Variants in CSNK1G2 observed in about 807,000 individuals in gnomAD.
The protein encoded by CSNK1G2 is casein kinase I isoform gamma-2.
Under a neutral mutation model 48.0 loss-of-function variants are expected in CSNK1G2, and 11 were observed. The ratio of observed to expected loss-of-function variants is 0.23; its 90% CI spans 0.14 to 0.38. The LOEUF (loss-of-function observed/expected upper bound fraction) is 0.38, where lower values mean the gene tolerates loss of function less well. Ranked by LOEUF, CSNK1G2 falls within the 10% of genes least tolerant of loss-of-function variation. The pLI is 1.00. For synonymous variants in CSNK1G2, 337 were observed against 254.1 expected, an observed-to-expected ratio of 1.33 and a Z score of -3.10; for missense variants, 446 against 595.5, an observed-to-expected ratio of 0.75 and a Z score of 2.61.
At chr19:1,956,204 C>T (rs1246260380) in intron 1 of CSNK1G2, among the ~76,000 whole-genome samples, 5 of 152,080 alleles carry the variant, frequency 3.3e-5, no homozygotes, top group Non-Finnish European at 5.9e-5. Context: ...AGGGGGATGC[C>T]AGGAGCAGTG....
intron 1 of CSNK1G2, among the ~76,000 whole-genome samples, chr19:1,943,231 A>C (rs113325585): frequency 3.3e-5 from 5 of 152,086 alleles, no homozygotes; most frequent in Non-Finnish European, 5.9e-5. Flanking sequence ...GTCTGGATTT[A>C]CTGTGCCTGC....
intron 1 of CSNK1G2, among the ~76,000 whole-genome samples, chr19:1,964,138 T>A (rs897167524): frequency 6.6e-5 from 10 of 151,862 alleles, no homozygotes; most frequent in African/African-American, 2.2e-4. Flanking sequence ...AAAATTTTTT[T>A]AAAAATTAGC....
At chr19:1,976,830 C>T (rs2015773325) in intron 2 of CSNK1G2, among the ~76,000 whole-genome samples, 1 of 152,050 alleles carries the variant, frequency 6.6e-6, no homozygotes, top group South Asian at 2.1e-4. Flanking sequence ...ACCTTCACCT[C>T]CCGGGTTCAG....
chr19:1,946,482 G>A lies in CSNK1G2; in HGVS notation c.-266+5064G>A, dbSNP rs1410424887. On this transcript the variant is annotated intron_variant, in intron 1 of 11. Transcript: ENST00000255641. ...AGTTTTTTGTACTTTTAGTAGAGAC[G>A]GGGTTTCACCGTGTTAGCCAGGATG... Among the ~76,000 whole-genome samples the A allele has an allele frequency of 1.5e-4, 22 of 150,782 alleles. No individual in the cohort carries two copies. In the South Asian group the frequency reaches 2.5e-3, roughly 17 times the overall value.
chr19:1,975,991 C>A, intron 2 of CSNK1G2: 1 of 1,093,102 alleles, frequency 9.1e-7, no homozygotes, highest in Non-Finnish European at 1.2e-6. Context: ...GCCGTGATCG[C>A]GCCAGTGCAC....
At chr19:1,972,836 C>T (rs779495858) in intron 2 of CSNK1G2, among the ~76,000 whole-genome samples, 1 of 151,814 alleles carries the variant, frequency 6.6e-6, no homozygotes, top group East Asian at 1.9e-4. Flanking sequence ...GTTGGCCAGG[C>T]TGGTCTTGAA....
chr19:1,953,918 G>T (rs780098592), intron 1 of CSNK1G2: 4 of 533,906 alleles, frequency 7.5e-6, no homozygotes, highest in Non-Finnish European at 1.5e-5. Context: ...CCTCGTGGGC[G>T]TCTCCGGTGC....
At chr19:1,953,259 C>T in intron 1 of CSNK1G2, 2 of 400,090 alleles carry the variant, frequency 5.0e-6, no homozygotes, top group Non-Finnish European at 1.0e-5. Flanking sequence ...CCCCTGCCCC[C>T]CTGGCAAGAC....
At chr19:1,964,386 C>G (rs926138562) in intron 1 of CSNK1G2, among the ~76,000 whole-genome samples, 6 of 152,046 alleles carry the variant, frequency 3.9e-5, no homozygotes, top group African/African-American at 1.5e-4. Flanking sequence ...TAGCCAAGGT[C>G]ACTGCTGGAG....
intron 2 of CSNK1G2, chr19:1,974,681 C>T (rs933741543): frequency 1.3e-5 from 2 of 152,288 alleles, no homozygotes; most frequent in Admixed American, 6.5e-5. Context: ...CACCTTGTTT[C>T]TGTCAGGTTG....
At chr19:1,966,206 C>T (rs1481838943) in intron 1 of CSNK1G2, among the ~76,000 whole-genome samples, 1 of 152,182 alleles carries the variant, frequency 6.6e-6, no homozygotes, top group Non-Finnish European at 1.5e-5. Flanking sequence ...ATTGAAACCC[C>T]CGGAAAGGCT....
Position 1,979,662 on chromosome 19 carries a change from G to A in CSNK1G2, c.1002+19G>A, listed in dbSNP as rs1295368197. On this transcript the variant is annotated intron_variant, in intron 9 of 11. Coordinates refer to ENST00000255641, the MANE Select transcript of CSNK1G2 (RefSeq NM_001319.7). ...GCCCCTGGTAGGTGGGGGGGTGCCG[G>A]TATGTGGGAGCGGGGGACCGGGAAA... 2 of 1,601,622 alleles carry A rather than the reference G, an allele frequency of 1.2e-6. No individual in the cohort carries two copies. Among genetic ancestry groups the A allele is most frequent in the East Asian group, 2.2e-5 (1 of 44,850 alleles).
rs1419400863 is a variant in CSNK1G2 at position 1,978,413 on chromosome 19, C to A, written c.229-29C>A. ...AGGGATTTCAGGGCAGCGACCCGGT[C>A]CCCTGGTGACTCGCTCTTGTGCCCC... On this transcript the variant is annotated intron_variant, in intron 3 of 11. Coordinates refer to ENST00000255641, the MANE Select transcript of CSNK1G2 (RefSeq NM_001319.7). The surrounding 1 kb of genome is among the most constrained non-coding windows in gnomAD (Gnocchi z 7.3). 8 of 1,611,538 alleles carry A rather than the reference C, an allele frequency of 5.0e-6. No individual in the cohort carries two copies. In the African/African-American group the frequency reaches 9.3e-5, roughly 19 times the overall value.
Position 1,980,161 on chromosome 19 carries a change from C to T in CSNK1G2, c.1206C>T (p.Phe402=). 10 of 1,613,004 alleles carry T rather than the reference C, an allele frequency of 6.2e-6. No individual in the cohort carries two copies. The highest frequency in any genetic ancestry group is 2.7e-5 in the African/African-American group (2 of 75,050). Reference sequence around the variant, plus strand: ...CTGCCCTCCTCAGATGCTGCTGTTTCTTCAAGAGGAGAAAGAGAAAATCGC... The same window carrying T: ...CTGCCCTCCTCAGATGCTGCTGTTTTTTCAAGAGGAGAAAGAGAAAATCGC... ...EVADETKCCC[F]FKRRKRKSLQ... is the part of the protein sequence containing the mutation. The change falls in exon 12 of 12, where the codon TTC becomes TTT. Residue 402 remains phenylalanine (F), a synonymous_variant. Coordinates refer to ENST00000255641, the MANE Select transcript of CSNK1G2 (RefSeq NM_001319.7).
intron 1 of CSNK1G2, among the ~76,000 whole-genome samples, chr19:1,941,856 C>T (rs573689997): frequency 1.3e-5 from 2 of 150,898 alleles, no homozygotes; most frequent in East Asian, 3.9e-4. Context: ...GTCCCCACCC[C>T]ACCTCCCGCC....
intron 2 of CSNK1G2, among the ~76,000 whole-genome samples, chr19:1,971,483 A>C (rs2145577306): frequency 6.6e-6 from 1 of 152,398 alleles, no homozygotes; most frequent in South Asian, 2.1e-4. Context: ...GCACGCTCAG[A>C]CACACGTGCA....
chr19:1,956,527 A>G (rs892648741), intron 1 of CSNK1G2, among the ~76,000 whole-genome samples: 2 of 152,132 alleles, frequency 1.3e-5, no homozygotes, highest in Non-Finnish European at 2.9e-5. Flanking sequence ...AAAAAACAAA[A>G]GACCACGCAT....
chr19:1,970,292 C>T (rs1257807344), intron 2 of CSNK1G2, among the ~76,000 whole-genome samples: 3 of 152,242 alleles, frequency 2.0e-5, no homozygotes, highest in Non-Finnish European at 2.9e-5. Flanking sequence ...GCACGCTGGG[C>T]GAAGCCCCGG....
chr19:1,955,858 G>A (rs559648267), intron 1 of CSNK1G2, among the ~76,000 whole-genome samples: 16 of 152,324 alleles, frequency 1.1e-4, no homozygotes, highest in East Asian at 1.9e-4. Context: ...CCCTGAGGCC[G>A]GGCACAGGGA....
Sources: allele counts gnomAD v4.1 joint callset (sites outside exome capture counted in the v4.1 genomes callset), GRCh38; gene constraint gnomAD v4.1.1; non-coding constraint Gnocchi (gnomAD v3.1); transcripts MANE v1.5; gene names NCBI Gene and HGNC (gene_info 2026-07-23, HGNC 2026-07-21).